TIPARP: variants seen among roughly 807,000 people sequenced by gnomAD.
TIPARP encodes TCDD inducible poly(ADP-ribose) polymerase.
Under a neutral mutation model 56.5 loss-of-function variants are expected in TIPARP, and 12 were observed. The observed-to-expected ratio is 0.21, with a 90% confidence interval of 0.14 to 0.34. The LOEUF is 0.34. Among genes scored for constraint, TIPARP ranks in the 10% least tolerant of loss-of-function variants. The pLI, the probability that TIPARP is intolerant of heterozygous loss-of-function variation, is 1.00. For missense variants in TIPARP, 604 were observed against 781.6 expected, an observed-to-expected ratio of 0.77 and a Z score of 2.71; for synonymous variants, 296 against 265.7, an observed-to-expected ratio of 1.11 and a Z score of -1.11.
At position 156,677,882 on chromosome 3, in the gene TIPARP, C is replaced by T. The variant is rs758283343; in HGVS notation, c.185C>T (p.Thr62Ile). The T allele has an allele frequency of 6.2e-7, 1 of 1,614,116 alleles. No homozygotes were observed. The highest frequency in any genetic ancestry group is 8.5e-7 in the Non-Finnish European group (1 of 1,180,020). Residue 62 changes from threonine (T) to isoleucine (I), a missense_variant, in exon 2 of 6, where the codon ACT becomes ATT. Thr to Ile is a moderately conservative substitution (Grantham distance 89). Transcript: ENST00000295924. ...TLRSLRPILN[T>I]LLESGSLDGV... ...AGGTCTTTGAGGCCAATATTAAACA[C>T]TCTTCTAGAATCTGGCTCACTTGAT...
intron 1 of TIPARP, chr3:156,675,861 T>G (rs1484405421): frequency 2.0e-5 from 3 of 152,204 alleles, no homozygotes; most frequent in African/African-American, 2.4e-5. Flanking sequence ...TTATGAAAAC[T>G]AATTGAGGAG....
chr3:156,689,770 G>A (rs1251408557), intron 2 of TIPARP, among the ~76,000 whole-genome samples: 1 of 152,126 alleles, frequency 6.6e-6, no homozygotes, highest in Non-Finnish European at 1.5e-5. Context: ...GCCTTGTTTG[G>A]TTAGCTTCTA....
rs1443028095 is a variant in TIPARP at position 156,706,135 on chromosome 3, G to C, written c.*1004G>C. ...ACACCTGCTTTGTCAGATACAGCTG[G>C]GTTCCCTGGCTGACTCTGTACCTTA... On this transcript the variant is annotated 3_prime_UTR_variant, in exon 6 of 6. Transcript: ENST00000295924. The C allele has an allele frequency of 6.6e-6, 1 of 152,588 alleles. No homozygotes were observed. Among genetic ancestry groups the C allele is most frequent in the African/African-American group, 2.4e-5 (1 of 41,408 alleles). 9.5% of individuals were successfully genotyped at this position (152,588 alleles called of 1,614,324 possible).
chr3:156,676,775 A>G (rs1722141178), intron 1 of TIPARP: 1 of 151,870 alleles, frequency 6.6e-6, no homozygotes, highest in African/African-American at 2.4e-5. Context: ...TCAGTAGTTG[A>G]TTAGGAATCT....
chr3:156,699,998 A>G (rs1722807108), intron 4 of TIPARP, among the ~76,000 whole-genome samples: 1 of 152,216 alleles, frequency 6.6e-6, no homozygotes, highest in South Asian at 2.1e-4. Context: ...TTTTAGAAGT[A>G]GATTCCAGAG....
At chr3:156,683,514 A>G (rs913781742) in intron 2 of TIPARP, among the ~76,000 whole-genome samples, 1 of 152,232 alleles carries the variant, frequency 6.6e-6, no homozygotes, top group East Asian at 1.9e-4. Context: ...TGCTCAATTT[A>G]TAGTAGTAAC....
At chr3:156,702,889 G>A (rs781677568) in intron 4 of TIPARP, among the ~76,000 whole-genome samples, 1 of 152,138 alleles carries the variant, frequency 6.6e-6, no homozygotes, top group Non-Finnish European at 1.5e-5. Context: ...CTTAGAAAAC[G>A]AAGCAAATGT....
chr3:156,695,843 T>TTTTC, intron 3 of TIPARP, 22 bp from the exon 4 acceptor site: 1 of 1,410,082 alleles, frequency 7.1e-7, no homozygotes, highest in Non-Finnish European at 9.3e-7. Flanking sequence ...TTTTTTTTTT[T>TTTTC]GTTCTGTTTT....
chr3:156,679,314 G>A (rs1722231408), intron 2 of TIPARP, among the ~76,000 whole-genome samples: 1 of 152,106 alleles, frequency 6.6e-6, no homozygotes, highest in Admixed American at 6.5e-5. Flanking sequence ...CACAAGATGT[G>A]TGTATACACA....
intron 4 of TIPARP, among the ~76,000 whole-genome samples, chr3:156,697,991 T>A (rs1722759283): frequency 6.6e-6 from 1 of 152,206 alleles, no homozygotes; most frequent in South Asian, 2.1e-4. Context: ...GCTACTCTGG[T>A]AAGCACACGA....
chr3:156,700,658 C>A (rs1180839620), intron 4 of TIPARP, among the ~76,000 whole-genome samples: 1 of 152,206 alleles, frequency 6.6e-6, no homozygotes, highest in East Asian at 1.9e-4. Context: ...GTGCTTTCAG[C>A]TGAAAGAACA....
intron 2 of TIPARP, 137 bp from the exon 3 acceptor site, chr3:156,693,883 C>T (rs1346978284): frequency 3.0e-6 from 3 of 1,004,686 alleles, no homozygotes; most frequent in Middle Eastern, 3.2e-4. Flanking sequence ...TGCTTTTACT[C>T]CAAGTAAAGC....
In TIPARP at chr3:156,694,028, A is replaced by C. The variant is rs1240885572; in HGVS notation, c.926A>C (p.Glu309Ala). The C allele has an allele frequency of 1.3e-6, 2 of 1,583,272 alleles. No homozygotes were observed. The highest frequency in any genetic ancestry group is 1.7e-6 in the Non-Finnish European group (2 of 1,170,722). The change falls in exon 3 of 6, where the codon GAA becomes GCA. Residue 309 changes from glutamate (E) to alanine (A), a missense_variant. By Grantham distance (107) the Glu-to-Ala change is moderately radical. This residue lies in a region of TIPARP where 252 missense variants were observed against 303.9 expected (regional missense o/e 0.83). Transcript: ENST00000295924. Reference protein sequence around the residue: ...DRMRMKYGGQEFWADLNAMNV... With the variant: ...DRMRMKYGGQAFWADLNAMNV... ...TTTTTGTTTTTTTTTAGAGGACAAGAATTTTGGGCAGATTTGAATGCCATG... is the reference window on the plus strand; with the variant it reads ...TTTTTGTTTTTTTTTAGAGGACAAGCATTTTGGGCAGATTTGAATGCCATG...
intron 1 of TIPARP, chr3:156,676,807 ATTT>A (rs543338521): frequency 6.7e-6 from 1 of 148,922 alleles, no homozygotes; most frequent in African/African-American, 2.5e-5. Flanking sequence ...TGTGTTTTAT[ATTT>A]TTTTTTTATT....
chr3:156,681,116 TC>T, intron 2 of TIPARP: 1 of 456,442 alleles, frequency 2.2e-6, no homozygotes, highest in Non-Finnish European at 4.4e-6. Flanking sequence ...ATGTTGTGTT[TC>T]CTGGCAACAA....
At position 156,678,514 on chromosome 3, in the gene TIPARP, A is replaced by C; in HGVS notation, c.817A>C (p.Thr273Pro). ...GCCATATCATTGGCAGATCAAAAGG[A>C]CAACTACTCAAAAGTGGCAGAGTGT... Reference protein sequence around the residue: ...VLPYHWQIKRTTTQKWQSVFN... With the variant: ...VLPYHWQIKRPTTQKWQSVFN... The change falls in exon 2 of 6, where the codon ACA (threonine) becomes CCA (proline). Residue 273 changes from threonine (T) to proline (P), a missense_variant. Around this residue, in one of 4 missense-constraint regions of TIPARP, gnomAD observed 252 missense variants for 303.9 expected, o/e 0.83. Coordinates refer to ENST00000295924, the MANE Select transcript of TIPARP (RefSeq NM_015508.5). 6.2e-7 allele frequency: 1 copy of C among 1,614,252 alleles called. No individual in the cohort carries two copies. Among genetic ancestry groups the C allele is most frequent in the Non-Finnish European group, 8.5e-7 (1 of 1,180,032 alleles).
Position 156,695,749 on chromosome 3 carries a change from G to A in TIPARP, c.1087-116G>A, listed in dbSNP as rs1025294273. On this transcript the variant is annotated intron_variant, in intron 3 of 5. Coordinates refer to ENST00000295924, the MANE Select transcript of TIPARP (RefSeq NM_015508.5). Reference sequence around the variant, plus strand: ...ATAAAGGGAGTTATTTAGACTCACTGTACTTTATTGAAATTCCTGTGAGGT... The same window carrying A: ...ATAAAGGGAGTTATTTAGACTCACTATACTTTATTGAAATTCCTGTGAGGT... 17 of 1,366,834 alleles carry A rather than the reference G, an allele frequency of 1.2e-5. 1 individual carries two copies. The Admixed American group carries it at 3.1e-4, about 25-fold the overall frequency. The allele number at this position is 1,366,834 out of a possible 1,614,324, so 84.7% of individuals were successfully genotyped here.
At chr3:156,683,101 C>G (rs936569365) in intron 2 of TIPARP, among the ~76,000 whole-genome samples, 2 of 152,104 alleles carry the variant, frequency 1.3e-5, no homozygotes, top group Admixed American at 1.3e-4. Flanking sequence ...TGCCACCTGG[C>G]TTCAGGTTGG....
At position 156,674,628 on chromosome 3, in the gene TIPARP, CGCGGTCGAGGCTTTCT is replaced by C. The variant is rs1722064825; in HGVS notation, c.-206_-191del. On this transcript the variant is annotated 5_prime_UTR_variant, in exon 1 of 6. Transcript: ENST00000295924. ...ACAGGCGAGCTGGCTGGACTCGGAG[CGCGGTCGAGGCTTTCT>C]GCGTTCGCGGCGGCGGAATGGCCCG... 2 of 152,682 alleles carry C rather than the reference CGCGGTCGAGGCTTTCT, an allele frequency of 1.3e-5. No homozygotes were observed. Among genetic ancestry groups the C allele is most frequent in the Admixed American group, 1.3e-4 (2 of 15,296 alleles). The allele number at this position is 152,682 out of a possible 1,614,324, so 9.5% of individuals were successfully genotyped here.
Sources: gnomAD v4.1 joint callset for allele counts (sites outside exome capture counted in the v4.1 genomes callset) on GRCh38, gnomAD v4.1.1 for gene constraint, gnomAD v4.1.1 regional missense constraint, MANE v1.5 for transcripts, NCBI Gene and HGNC (gene_info 2026-07-23, HGNC 2026-07-21) for gene names.